Variants in SNX29 observed in about 807,000 individuals in gnomAD.
The protein encoded by SNX29 is sorting nexin 29.
In SNX29, 78 loss-of-function variants were observed where a neutral mutation model predicts 102.1. The ratio of observed to expected loss-of-function variants is 0.76; its 90% CI spans 0.64 to 0.92. The LOEUF (loss-of-function observed/expected upper bound fraction) is 0.92. Among genes scored for constraint, SNX29 ranks in the 40% least tolerant of loss-of-function variants. SNX29 has a pLI of 0.00. For missense variants in SNX29, 1,280 were observed against 1,061.7 expected (o/e 1.21, Z -2.86); for synonymous variants, 580 against 414.5 (o/e 1.40, Z -4.85).
intron 18 of SNX29, among the ~76,000 whole-genome samples, chr16:12,424,715 A>G (rs568178617): frequency 5.8e-4 from 89 of 152,240 alleles, no homozygotes; most frequent in African/African-American, 1.9e-3. Context: ...GTGGAGTTCT[A>G]TCTGGGGGGA....
chr16:12,558,377 G>C (rs1428606374), intron 20 of SNX29, among the ~76,000 whole-genome samples: 2 of 152,180 alleles, frequency 1.3e-5, no homozygotes, highest in Non-Finnish European at 1.5e-5. Flanking sequence ...GTAACCATCG[G>C]AATTTTACAT....
At chr16:12,322,940 G>A (rs2080993012) in intron 15 of SNX29, among the ~76,000 whole-genome samples, 2 of 138,026 alleles carry the variant, frequency 1.4e-5, no homozygotes, top group African/African-American at 5.9e-5. Flanking sequence ...CTGTCAGGAT[G>A]CGGTCACTGG....
At chr16:12,014,477 A>G (rs1485896243) in intron 3 of SNX29, among the ~76,000 whole-genome samples, 1 of 152,048 alleles carries the variant, frequency 6.6e-6, no homozygotes, top group Admixed American at 6.6e-5. Context: ...TCATGCTTGT[A>G]ATCCAAGCAC....
chr16:12,162,019 T>G (rs968661891), intron 13 of SNX29, among the ~76,000 whole-genome samples: 3 of 152,178 alleles, frequency 2.0e-5, no homozygotes, highest in Non-Finnish European at 4.4e-5. Flanking sequence ...CCCCTGTTGG[T>G]TTCTTTTCAC....
intron 14 of SNX29, among the ~76,000 whole-genome samples, chr16:12,205,888 G>A (rs945444317): frequency 3.9e-5 from 6 of 152,194 alleles, no homozygotes; most frequent in African/African-American, 7.2e-5. Context: ...TCCATGACAC[G>A]TGCTCTATAA....
chr16:12,048,909 A>G (rs566821173), intron 7 of SNX29, among the ~76,000 whole-genome samples: 2 of 152,314 alleles, frequency 1.3e-5, no homozygotes, highest in Non-Finnish European at 2.9e-5. Flanking sequence ...TCATTCATTA[A>G]TTCCTTTATT....
At chr16:12,117,971 C>T (rs537092934) in intron 11 of SNX29, among the ~76,000 whole-genome samples, 49 of 152,104 alleles carry the variant, frequency 3.2e-4, no homozygotes, top group African/African-American at 1.2e-3. Context: ...GTGGCATGTG[C>T]CTGTAGTCCT....
At chr16:12,213,330 C>T (rs1451546696) in intron 14 of SNX29, among the ~76,000 whole-genome samples, 2 of 152,028 alleles carry the variant, frequency 1.3e-5, no homozygotes, top group Non-Finnish European at 2.9e-5. Context: ...AAACTCTGAG[C>T]AGGAGGGGAG....
intron 3 of SNX29, among the ~76,000 whole-genome samples, chr16:12,021,594 A>C (rs548740765): frequency 6.6e-6 from 1 of 152,264 alleles, no homozygotes; most frequent in South Asian, 2.1e-4. Flanking sequence ...AGCAGTCTTG[A>C]AATATAGGAC....
intron 4 of SNX29, among the ~76,000 whole-genome samples, chr16:12,035,905 C>T (rs1303345127): frequency 1.3e-5 from 2 of 152,156 alleles, no homozygotes; most frequent in Non-Finnish European, 2.9e-5. Context: ...CGTTCCCTTT[C>T]TTCCTGCTCA....
intron 19 of SNX29, among the ~76,000 whole-genome samples, chr16:12,490,722 C>T (rs575034207): frequency 6.6e-6 from 1 of 152,162 alleles, no homozygotes; most frequent in Non-Finnish European, 1.5e-5. Flanking sequence ...CCCACCACAC[C>T]AAATTAACAG....
chr16:12,518,087 T>G (rs1488812849), intron 19 of SNX29, among the ~76,000 whole-genome samples: 4 of 152,176 alleles, frequency 2.6e-5, no homozygotes, highest in South Asian at 2.1e-4. Flanking sequence ...CACGCTAGTT[T>G]AGTCGTGTGT....
At chr16:12,119,042 A>G (rs2053863301) in intron 11 of SNX29, among the ~76,000 whole-genome samples, 1 of 152,226 alleles carries the variant, frequency 6.6e-6, no homozygotes, top group African/African-American at 2.4e-5. Flanking sequence ...GAGGCTCACA[A>G]TAGTGATCCA....
chr16:12,442,396 C>T (rs757933935), intron 18 of SNX29, among the ~76,000 whole-genome samples: 5 of 152,156 alleles, frequency 3.3e-5, no homozygotes, highest in Admixed American at 6.5e-5. Context: ...CTCTCTTCTT[C>T]CCTTCTCTCC....
At chr16:12,280,676 G>A (rs936208660) in intron 15 of SNX29, among the ~76,000 whole-genome samples, 4 of 152,162 alleles carry the variant, frequency 2.6e-5, no homozygotes, top group African/African-American at 9.7e-5. Context: ...GACAGGTTCT[G>A]CCGGTGATCT....
At chr16:12,494,404 G>A (rs1256279963) in intron 19 of SNX29, among the ~76,000 whole-genome samples, 1 of 152,226 alleles carries the variant, frequency 6.6e-6, no homozygotes, top group Non-Finnish European at 1.5e-5. Flanking sequence ...TCCGCGCACT[G>A]AGAGACGGGC....
intron 14 of SNX29, among the ~76,000 whole-genome samples, chr16:12,262,813 G>T (rs955834552): frequency 2.6e-5 from 4 of 152,164 alleles, no homozygotes; most frequent in Non-Finnish European, 5.9e-5. Flanking sequence ...TAATTCATTG[G>T]TTTTCCGTGT....
At chr16:12,394,786 G>C (rs914111575) in intron 16 of SNX29, among the ~76,000 whole-genome samples, 1 of 152,190 alleles carries the variant, frequency 6.6e-6, no homozygotes, top group Non-Finnish European at 1.5e-5. Context: ...TTGGGCTCCT[G>C]ATATCTTTAC....
intron 16 of SNX29, among the ~76,000 whole-genome samples, chr16:12,383,003 C>G (rs1163178721): frequency 1.3e-5 from 2 of 152,148 alleles, no homozygotes; most frequent in African/African-American, 4.8e-5. Flanking sequence ...GGTTCTGAGG[C>G]TTAGGATGTG....
Sources: gnomAD v4.1 joint callset for allele counts (sites outside exome capture counted in the v4.1 genomes callset) on GRCh38, gnomAD v4.1.1 for gene constraint, MANE v1.5 for transcripts, NCBI Gene and HGNC (gene_info 2026-07-23, HGNC 2026-07-21) for gene names.